The following TJP1 variants were observed in gnomAD, a reference collection of about 807,000 sequenced individuals.
The protein encoded by TJP1 is tight junction protein ZO-1.
TJP1 carries 43 observed loss-of-function variants against 194.2 expected under a neutral mutation model. That is an observed-to-expected ratio of 0.22 (90% CI 0.17 to 0.29). The LOEUF (loss-of-function observed/expected upper bound fraction) is 0.29, where lower values mean the gene tolerates loss of function less well. TJP1 is among the 10% of genes least tolerant of loss of function. TJP1 has a pLI of 1.00. For synonymous variants in TJP1, 801 were observed against 779.0 expected (o/e 1.03, Z -0.47); for missense variants, 1,971 against 2,185.7 (o/e 0.90, Z 1.96).
chr15:29,720,063 C>A (rs757931595), intron 19 of TJP1, 47 bp from the exon 20 acceptor site: 1 of 1,538,256 alleles, frequency 6.5e-7, no homozygotes, highest in Admixed American at 2.1e-5. Flanking sequence ...CTGTTTACTG[C>A]TAACTTTCCA....
At chr15:29,783,815 G>T (rs1277742326) in intron 2 of TJP1, among the ~76,000 whole-genome samples, 2 of 152,170 alleles carry the variant, frequency 1.3e-5, no homozygotes, top group Non-Finnish European at 2.9e-5. Flanking sequence ...TGGAGGGTAG[G>T]AGGTGGGAGA....
rs1232345007 is a variant in TJP1 at position 29,836,820 on chromosome 15, A to G, written c.307-36118T>C. ...GATCACCCCTTTTTACCCATCCATC[A>G]TTTTTCTGCCTCTGTCATGTAAGAA... On this transcript the variant is annotated intron_variant, in intron 2 of 28. Coordinates refer to the TJP1 transcript ENST00000356107. 4.6e-5 allele frequency among the ~76,000 whole-genome samples: 7 copies of G among 151,950 alleles called. No individual in the cohort carries two copies. In the South Asian group the frequency reaches 1.0e-3, roughly 23 times the overall value.
chr15:29,714,925 T>G (rs183987069), intron 23 of TJP1, among the ~76,000 whole-genome samples: 11 of 152,294 alleles, frequency 7.2e-5, no homozygotes, highest in African/African-American at 2.4e-4. Context: ...CACCTGAGCC[T>G]TCTTCTGACA....
rs1190484080 is a variant in TJP1 at position 29,710,910 on chromosome 15, C to A, written c.4293G>T (p.Leu1431Phe). The A allele has an allele frequency of 6.2e-7, 1 of 1,614,082 alleles. No homozygotes were observed. ...PIQATPPPPP[L>F]PSQYAQPSQP... ...GAGATGGCTGGGCATACTGCGAGGG[C>A]AATGGAGGAGGAGGGGGAGTGGCCT... is the stretch of plus-strand genomic sequence containing the variant. The change falls in exon 24 of 28, where the codon TTG (leucine) becomes TTT (phenylalanine). Residue 1431 changes from leucine to phenylalanine, a missense_variant. Physicochemically the swap from Leu to Phe is conservative, Grantham distance 22. Coordinates refer to ENST00000614355, the MANE Select transcript of TJP1 (RefSeq NM_001330239.4).
intron 2 of TJP1, among the ~76,000 whole-genome samples, chr15:29,875,780 G>A (rs966906795): frequency 2.0e-5 from 3 of 152,044 alleles, no homozygotes; most frequent in Non-Finnish European, 2.9e-5. Flanking sequence ...TGGCCAGGCT[G>A]GTCTCGAACC....
intron 8 of TJP1, among the ~76,000 whole-genome samples, chr15:29,753,920 A>C (rs1430911848): frequency 1.3e-5 from 2 of 152,214 alleles, no homozygotes; most frequent in Admixed American, 1.3e-4. Flanking sequence ...CAATATATGT[A>C]ATTCTTGTTT....
At position 29,822,191 on chromosome 15, in the gene TJP1, T is replaced by A. The variant is rs1275598808; in HGVS notation, c.-163A>T. On this transcript the variant is annotated 5_prime_UTR_variant, in exon 1 of 28. Transcript: ENST00000614355. ...CCGGCCCAGGGGGAGGGAATTCAAC[T>A]CGGACAAAAGTCCGGGAAGCGCCCG... 3 of 1,175,682 alleles carry A rather than the reference T, an allele frequency of 2.6e-6. No homozygotes were observed. Among genetic ancestry groups the A allele is most frequent in the Non-Finnish European group, 3.2e-6 (3 of 952,292 alleles). 72.8% of individuals were successfully genotyped at this position (1,175,682 alleles called of 1,614,324 possible). A position where few individuals can be genotyped will look rare whatever the true frequency, so the allele number is the denominator to read the frequency against.
At chr15:29,846,874 C>T (rs1229858402) in intron 2 of TJP1, among the ~76,000 whole-genome samples, 6 of 151,456 alleles carry the variant, frequency 4.0e-5, no homozygotes, top group Non-Finnish European at 7.4e-5. Flanking sequence ...TGCAGTGAGC[C>T]GAGATGGTGC....
chr15:29,874,169 G>A (rs2052619580), intron 2 of TJP1, among the ~76,000 whole-genome samples: 1 of 152,134 alleles, frequency 6.6e-6, no homozygotes, highest in Non-Finnish European at 1.5e-5. Flanking sequence ...CGGAGGTGCG[G>A]TCACATTAAT....
At chr15:29,854,846 T>C (rs2051784108) in intron 2 of TJP1, among the ~76,000 whole-genome samples, 1 of 152,030 alleles carries the variant, frequency 6.6e-6, no homozygotes, top group South Asian at 2.1e-4. Flanking sequence ...CAAACTGGCC[T>C]TGAATTCAGA....
intron 27 of TJP1, among the ~76,000 whole-genome samples, chr15:29,703,392 C>T (rs1329860753): frequency 5.9e-5 from 9 of 151,792 alleles, no homozygotes; most frequent in African/African-American, 1.2e-4. Flanking sequence ...GAGCTGAGAT[C>T]GTGCCACCGC....
chr15:29,880,978 C>G (rs1013037333), intron 2 of TJP1, among the ~76,000 whole-genome samples: 1 of 152,138 alleles, frequency 6.6e-6, no homozygotes, highest in South Asian at 2.1e-4. Context: ...ATTGCTAGAT[C>G]GTGTAATTCT....
At chr15:29,739,142 A>G (rs2044230874) in intron 10 of TJP1, among the ~76,000 whole-genome samples, 1 of 152,122 alleles carries the variant, frequency 6.6e-6, no homozygotes, top group East Asian at 1.9e-4. Flanking sequence ...AGCAAAAACA[A>G]CTGAGCACAG....
intron 2 of TJP1, among the ~76,000 whole-genome samples, chr15:29,787,653 A>T (rs2047785688): frequency 6.6e-6 from 1 of 152,210 alleles, no homozygotes; most frequent in East Asian, 1.9e-4. Context: ...TTCAAGGTTC[A>T]TCAATGTTGT....
intron 18 of TJP1, among the ~76,000 whole-genome samples, chr15:29,724,519 TAAGC>T (rs2043127098): frequency 6.6e-6 from 1 of 152,230 alleles, no homozygotes; most frequent in South Asian, 2.1e-4. Flanking sequence ...AATGCAGATG[TAAGC>T]AAGAACGATG....
At chr15:29,902,380 A>C (rs2053661781) in intron 2 of TJP1, among the ~76,000 whole-genome samples, 1 of 152,170 alleles carries the variant, frequency 6.6e-6, no homozygotes, top group African/African-American at 2.4e-5. Flanking sequence ...TCATTAGCAA[A>C]CTAAAGGTAA....
rs148401710 is a variant in TJP1 at position 29,958,620 on chromosome 15, A to G, written c.174-2256T>C. Among the ~76,000 whole-genome samples the G allele has an allele frequency of 1.2e-3, 182 of 152,294 alleles. 1 individual carries two copies. In the Middle Eastern group the frequency reaches 0.02, roughly 17 times the overall value. On this transcript the variant is annotated intron_variant, in intron 1 of 28. Transcript: ENST00000356107. ...TCTAGTTAGCTATATACACACATGT[A>G]CATTAACATCTTTATATATGTATCC... is the stretch of plus-strand genomic sequence containing the variant.
intron 2 of TJP1, among the ~76,000 whole-genome samples, chr15:29,898,470 T>C (rs1191644058): frequency 6.6e-6 from 1 of 152,220 alleles, no homozygotes; most frequent in Non-Finnish European, 1.5e-5. Context: ...AACATTTATA[T>C]AGGATCCCTC....
chr15:29,784,030 A>G (rs563525141), intron 2 of TJP1, among the ~76,000 whole-genome samples: 1 of 152,298 alleles, frequency 6.6e-6, no homozygotes, highest in Non-Finnish European at 1.5e-5. Context: ...GAGGAACATT[A>G]CAAACACTAA....
Sources: allele counts gnomAD v4.1 joint callset (sites outside exome capture counted in the v4.1 genomes callset), GRCh38; gene constraint gnomAD v4.1.1; transcripts MANE v1.5; gene names NCBI Gene and HGNC (gene_info 2026-07-23, HGNC 2026-07-21).